Variants in ATXN10 observed in about 807,000 individuals in gnomAD.
ATXN10 encodes ataxin-10.
ATXN10 carries 28 observed loss-of-function variants against 52.9 expected under a neutral mutation model. The observed-to-expected ratio is 0.53, with a 90% CI of 0.39 to 0.73. The LOEUF is 0.73. Ranked by LOEUF, ATXN10 falls within the 30% of genes least tolerant of loss-of-function variation. The probability of loss-of-function intolerance (pLI) is 0.00; values close to 1 mark genes in which losing one functional copy is unlikely to be tolerated. For missense variants in ATXN10, 565 were observed against 577.0 expected, an observed-to-expected ratio of 0.98 and a Z score of 0.21; for synonymous variants, 226 against 221.5, an observed-to-expected ratio of 1.02 and a Z score of -0.18.
rs892663363 is a variant in ATXN10 at position 45,678,263 on chromosome 22, A to G, written c.116+6084A>G. On this transcript the variant is annotated intron_variant, in intron 1 of 11. Coordinates refer to ENST00000252934, the MANE Select transcript of ATXN10 (RefSeq NM_013236.4). This position sits in a 1 kb window ranked among gnomAD's most constrained non-coding sequence, Gnocchi z 4.1. Reference sequence around the variant, plus strand: ...TATGTATTTTACCACAGTTAAAAAAATTAATAATACAATGTACCAAAATCC... The same window carrying G: ...TATGTATTTTACCACAGTTAAAAAAGTTAATAATACAATGTACCAAAATCC... The G allele has an allele frequency of 1.8e-4, 28 of 152,226 alleles. No individual in the cohort carries two copies. Among genetic ancestry groups the G allele is most frequent in the Admixed American group, 1.6e-3 (25 of 15,284 alleles). 9.4% of individuals were successfully genotyped at this position (152,226 alleles called of 1,614,324 possible). A position where few individuals can be genotyped will look rare whatever the true frequency, so the allele number is the denominator to read the frequency against.
rs538288431 is a variant in ATXN10, at chr22:45,734,185, G to T, written c.895-4546G>T. 9.8e-4 allele frequency among the ~76,000 whole-genome samples: 149 copies of T among 152,250 alleles called. 1 individual carries two copies. Among genetic ancestry groups the T allele is most frequent in the Non-Finnish European group, 3.1e-4 (21 of 68,010 alleles). On this transcript the variant is annotated intron_variant, in intron 7 of 11. Transcript: ENST00000252934. ...TAAATTCCTGGAGTTGAATTGCTGG[G>T]TTGAAGAATTATGTGTATTTAAAAA...
chr22:45,738,047 CA>C (rs1220670439), intron 7 of ATXN10, among the ~76,000 whole-genome samples: 3 of 152,094 alleles, frequency 2.0e-5, no homozygotes, highest in Non-Finnish European at 2.9e-5. Flanking sequence ...AAATGGGGTT[CA>C]AAATCTATAC....
rs924319134 is a variant in ATXN10 at position 45,705,682 on chromosome 22, C to T, written c.647+2835C>T. Among the ~76,000 whole-genome samples the T allele has an allele frequency of 2.0e-5, 3 of 152,182 alleles. No homozygotes were observed. Among genetic ancestry groups the T allele is most frequent in the African/African-American group, 4.8e-5 (2 of 41,446 alleles). ...AACTCCTAATCTCATGAGCCACCTG[C>T]CTCAGCCTCCCAAAGTGCTGGGATT... On this transcript the variant is annotated intron_variant, in intron 5 of 11. Coordinates refer to ENST00000252934, the MANE Select transcript of ATXN10 (RefSeq NM_013236.4). The surrounding 1 kb of genome is among the most constrained non-coding windows in gnomAD (Gnocchi z 5.2).
rs1406750565 is a variant in ATXN10, at chr22:45,696,468, C to G, written c.391+3390C>G. Among the ~76,000 whole-genome samples the G allele has an allele frequency of 6.6e-6, 1 of 152,208 alleles. No homozygotes were observed. Among genetic ancestry groups the G allele is most frequent in the African/African-American group, 2.4e-5 (1 of 41,466 alleles). On this transcript the variant is annotated intron_variant, in intron 3 of 11. Transcript: ENST00000252934. The surrounding 1 kb of genome is among the most constrained non-coding windows in gnomAD (Gnocchi z 4.7). ...AAAGAAGCAAAGGGGAAGTGCTGTA[C>G]AAATGCTGTGATTAAATAACTATTA...
At chr22:45,785,346 T>G (rs1927286441) in intron 9 of ATXN10, among the ~76,000 whole-genome samples, 1 of 152,250 alleles carries the variant, frequency 6.6e-6, no homozygotes, top group Non-Finnish European at 1.5e-5. Context: ...TGGCCAGCTT[T>G]TGACATTTTG....
Position 45,689,796 on chromosome 22 carries a change from TC to T in ATXN10, c.203del (p.Pro68HisfsTer13), listed in dbSNP as rs1204435276. On this transcript the variant is annotated frameshift_variant, in exon 2 of 12. Transcript: ENST00000252934. LOFTEE classifies it high-confidence loss of function. ...SHAVELACRDPSQVENLASSL... is the reference protein window; with the variant it reads ...SHAVELACRDXSQVENLASSL... Reference sequence around the variant, plus strand: ...ATGCTGTTGAGCTTGCCTGCAGAGATCCATCCCAAGTGGAAAACCTGGCTTC... The same window carrying T: ...ATGCTGTTGAGCTTGCCTGCAGAGATCATCCCAAGTGGAAAACCTGGCTTC... The T allele has an allele frequency of 6.2e-7, 1 of 1,614,208 alleles. No homozygotes were observed. The highest frequency in any genetic ancestry group is 2.2e-5 in the East Asian group (1 of 44,886).
At chr22:45,695,637 G>A (rs1173250058) in intron 3 of ATXN10, among the ~76,000 whole-genome samples, 3 of 151,824 alleles carry the variant, frequency 2.0e-5, no homozygotes, top group African/African-American at 7.3e-5. Flanking sequence ...GGGATTACAG[G>A]CGCCTGCCGC....
In ATXN10 at chr22:45,783,094, C is replaced by T. The variant is rs1468544828; in HGVS notation, c.1174-23865C>T. Among the ~76,000 whole-genome samples, 1 of 152,174 alleles carries T rather than the reference C, an allele frequency of 6.6e-6. No homozygotes were observed. The highest frequency in any genetic ancestry group is 2.1e-4 in the South Asian group (1 of 4,824). ...CTGACCTTTTCACTTAAAGGAAGCA[C>T]TTTATGGCTTCTCTTTGGCATATTC... On this transcript the variant is annotated intron_variant, in intron 9 of 11. Transcript: ENST00000252934. This position sits in a 1 kb window ranked among gnomAD's most constrained non-coding sequence, Gnocchi z 5.0.
In ATXN10 at chr22:45,837,541, C is replaced by T. The variant is rs533945395; in HGVS notation, c.1238-5450C>T. On this transcript the variant is annotated intron_variant, in intron 10 of 11. Coordinates refer to ENST00000252934, the MANE Select transcript of ATXN10 (RefSeq NM_013236.4). This position sits in a 1 kb window ranked among gnomAD's most constrained non-coding sequence, Gnocchi z 5.8. ...CCTCCCAAAGTGTTGGGATTACAGGCGTGAGCCACTATGCCCGGCCTATTT... is the reference window on the plus strand; with the variant it reads ...CCTCCCAAAGTGTTGGGATTACAGGTGTGAGCCACTATGCCCGGCCTATTT... Among the ~76,000 whole-genome samples, 6 of 152,354 alleles carry T rather than the reference C, an allele frequency of 3.9e-5. No individual in the cohort carries two copies. Among genetic ancestry groups the T allele is most frequent in the East Asian group, 3.9e-4 (2 of 5,192 alleles).
intron 9 of ATXN10, chr22:45,792,685 G>T: frequency 3.4e-6 from 1 of 291,514 alleles, no homozygotes; most frequent in Non-Finnish European, 7.1e-6. Context: ...TAGGGTTTCA[G>T]TGGCTCTGAA....
At chr22:45,720,306 C>G (rs1384280529) in intron 6 of ATXN10, among the ~76,000 whole-genome samples, 2 of 151,084 alleles carry the variant, frequency 1.3e-5, no homozygotes, top group African/African-American at 4.9e-5. Flanking sequence ...ATAAAGTTTA[C>G]TATTGTAACC....
intron 5 of ATXN10, among the ~76,000 whole-genome samples, chr22:45,707,561 T>G (rs1924089351): frequency 6.6e-6 from 1 of 151,518 alleles, no homozygotes; most frequent in Non-Finnish European, 1.5e-5. Context: ...TGTATTTTAA[T>G]CATCTGCAGT....
chr22:45,792,032 T>TA (rs1452106143), intron 9 of ATXN10, among the ~76,000 whole-genome samples: 1 of 152,172 alleles, frequency 6.6e-6, no homozygotes, highest in Non-Finnish European at 1.5e-5. Flanking sequence ...AACTGACACT[T>TA]ATAAGCATTC....
intron 6 of ATXN10, among the ~76,000 whole-genome samples, chr22:45,724,054 A>G (rs1924770675): frequency 6.6e-6 from 1 of 151,798 alleles, no homozygotes; most frequent in South Asian, 2.1e-4. Flanking sequence ...GTGTATATAT[A>G]TATATATCAC....
intron 9 of ATXN10, chr22:45,793,189 TTAGA>T (rs1927576430): frequency 6.3e-6 from 1 of 158,934 alleles, no homozygotes; most frequent in Non-Finnish European, 1.4e-5. Flanking sequence ...AACCATTAAA[TTAGA>T]TAAAGTACCA....
chr22:45,841,103 G>T lies in ATXN10; in HGVS notation c.1238-1888G>T, dbSNP rs1302042141. On this transcript the variant is annotated intron_variant, in intron 10 of 11. Transcript: ENST00000252934. The surrounding 1 kb of genome is among the most constrained non-coding windows in gnomAD (Gnocchi z 5.1). ...TATACTGGCACAAAGTGGGGGTTCA[G>T]TGATCATGGAAAAGAGGCGGATATT... 6.6e-6 allele frequency among the ~76,000 whole-genome samples: 1 copy of T among 152,226 alleles called. No homozygotes were observed. The highest frequency in any genetic ancestry group is 1.5e-5 in the Non-Finnish European group (1 of 68,046).
rs74714064 is a variant in ATXN10, at chr22:45,688,460, G to A, written c.117-1252G>A. On this transcript the variant is annotated intron_variant, in intron 1 of 11. Coordinates refer to ENST00000252934, the MANE Select transcript of ATXN10 (RefSeq NM_013236.4). The surrounding 1 kb of genome is among the most constrained non-coding windows in gnomAD (Gnocchi z 4.0). ...GTCATAAATTTGACTCCAGACTTAAGAAAGGCCCCGACAGAGAGAAAACAT... is the reference window on the plus strand; with the variant it reads ...GTCATAAATTTGACTCCAGACTTAAAAAAGGCCCCGACAGAGAGAAAACAT... Among the ~76,000 whole-genome samples the A allele has an allele frequency of 2.6e-3, 389 of 152,288 alleles. 9 individuals are homozygous for A. Among genetic ancestry groups the A allele is most frequent in the Admixed American group, 0.021 (314 of 15,296 alleles).
intron 10 of ATXN10, among the ~76,000 whole-genome samples, chr22:45,831,233 G>A (rs764786179): frequency 2.6e-5 from 4 of 152,206 alleles, no homozygotes; most frequent in Non-Finnish European, 5.9e-5. Context: ...TGGGGACTGA[G>A]TTTCAGTTTA....
chr22:45,812,759 T>C (rs1928324145), intron 10 of ATXN10, among the ~76,000 whole-genome samples: 1 of 152,220 alleles, frequency 6.6e-6, no homozygotes. Context: ...ATAATGTCCT[T>C]CTTGGGACAG....
Sources: allele counts gnomAD v4.1 joint callset (sites outside exome capture counted in the v4.1 genomes callset), GRCh38; gene constraint gnomAD v4.1.1; non-coding constraint Gnocchi (gnomAD v3.1); transcripts MANE v1.5; gene names NCBI Gene and HGNC (gene_info 2026-07-23, HGNC 2026-07-21).